The following MYO3B variants were observed in gnomAD, a reference collection of about 807,000 sequenced individuals.
MYO3B encodes myosin IIIB.
MYO3B carries 156 observed loss-of-function variants against 174.6 expected under a neutral mutation model. That is an observed-to-expected ratio of 0.89 (90% confidence interval 0.78 to 1.02). The LOEUF (loss-of-function observed/expected upper bound fraction) is 1.02, where lower values mean the gene tolerates loss of function less well. MYO3B is among the 50% of genes least tolerant of loss of function. The pLI is 0.00. For synonymous variants in MYO3B, 563 were observed against 569.1 expected (o/e 0.99, Z 0.15); for missense variants, 1,632 against 1,639.4 (o/e 1.00, Z 0.08).
intron 23 of MYO3B, among the ~76,000 whole-genome samples, chr2:170,445,604 G>T (rs879572046): frequency 3.3e-5 from 5 of 151,550 alleles, no homozygotes; most frequent in African/African-American, 7.3e-5. Flanking sequence ...GCCTCCCCAA[G>T]TGCTGGATTA....
chr2:170,431,340 A>G (rs997041163), intron 22 of MYO3B, among the ~76,000 whole-genome samples: 3 of 152,230 alleles, frequency 2.0e-5, no homozygotes, highest in African/African-American at 7.2e-5. Flanking sequence ...CAACTCCACT[A>G]TTGACTGTGT....
At chr2:170,646,330 T>C (rs1490247239) in intron 32 of MYO3B, among the ~76,000 whole-genome samples, 1 of 152,090 alleles carries the variant, frequency 6.6e-6, no homozygotes, top group East Asian at 1.9e-4. Flanking sequence ...TTTTTTTTCT[T>C]TTGGTTTACT....
chr2:170,629,828 C>T (rs977237897), intron 32 of MYO3B, among the ~76,000 whole-genome samples: 1 of 152,180 alleles, frequency 6.6e-6, no homozygotes, highest in African/African-American at 2.4e-5. Context: ...CCAGCCTGCG[C>T]AACAGAGCGA....
At chr2:170,490,722 G>C (rs544781399) in intron 25 of MYO3B, among the ~76,000 whole-genome samples, 2 of 152,128 alleles carry the variant, frequency 1.3e-5, no homozygotes, top group South Asian at 4.1e-4. Flanking sequence ...TTGTCTCCTA[G>C]TTTGAGGTTG....
rs772268467 is a variant in MYO3B at position 170,391,598 on chromosome 2, TC to T, written c.1658del (p.Pro553LeufsTer9). 28 of 1,585,924 alleles carry T rather than the reference TC, an allele frequency of 1.8e-5. No homozygotes were observed. Among genetic ancestry groups the T allele is most frequent in the Middle Eastern group, 1.7e-4 (1 of 6,012 alleles). ...AAAAGAAGCTTTCTGATTTCAGACT[TC>T]CTGAGGAAAAACCTCCTAGGTAAGT... ...HQKKLSDFRL[P>X]EEKPPRYIAD... On this transcript the variant is annotated frameshift_variant, in exon 15 of 35. Coordinates refer to ENST00000408978, the MANE Select transcript of MYO3B (RefSeq NM_138995.5). LOFTEE classifies it high-confidence loss of function.
At chr2:170,283,489 ATCTTGAACCTC>A (rs1177776971) in intron 7 of MYO3B, among the ~76,000 whole-genome samples, 1 of 152,270 alleles carries the variant, frequency 6.6e-6, no homozygotes, top group Admixed American at 6.5e-5. Flanking sequence ...CTGGTCAGCC[ATCTTGAACCTC>A]TCCCCTATAG....
chr2:170,323,611 G>A (rs188355033), intron 7 of MYO3B, among the ~76,000 whole-genome samples: 146 of 152,194 alleles, frequency 9.6e-4, no homozygotes, highest in African/African-American at 3.3e-3. Flanking sequence ...AAGCTCGGCC[G>A]CACCATTACC....
chr2:170,208,955 T>C (rs2105354454), intron 3 of MYO3B, among the ~76,000 whole-genome samples: 1 of 152,308 alleles, frequency 6.6e-6, no homozygotes, highest in Middle Eastern at 3.4e-3. Context: ...GGTGATCCTC[T>C]CCTTTTAAGG....
intron 32 of MYO3B, among the ~76,000 whole-genome samples, chr2:170,624,266 T>G (rs904485482): frequency 6.6e-6 from 1 of 152,238 alleles, no homozygotes; most frequent in Non-Finnish European, 1.5e-5. Context: ...TGGTTTGTAG[T>G]TCTCCTTGAA....
intron 6 of MYO3B, 67 bp downstream of exon 6, chr2:170,217,462 G>T: frequency 7.4e-7 from 1 of 1,345,000 alleles, no homozygotes; most frequent in Non-Finnish European, 1.1e-6. Flanking sequence ...CCTTTTTATG[G>T]GTAAGTCATA....
At chr2:170,223,916 A>T (rs776212545) in intron 6 of MYO3B, among the ~76,000 whole-genome samples, 1 of 152,166 alleles carries the variant, frequency 6.6e-6, no homozygotes, top group Non-Finnish European at 1.5e-5. Context: ...ATATTAAACT[A>T]TTCATTCTGG....
At chr2:170,468,329 T>A (rs539525035) in intron 25 of MYO3B, among the ~76,000 whole-genome samples, 1 of 152,322 alleles carries the variant, frequency 6.6e-6, no homozygotes, top group African/African-American at 2.4e-5. Context: ...CATTCAAGGT[T>A]TATTAAATGG....
chr2:170,228,547 C>A (rs2092977864), intron 6 of MYO3B, among the ~76,000 whole-genome samples: 1 of 152,116 alleles, frequency 6.6e-6, no homozygotes, highest in Non-Finnish European at 1.5e-5. Context: ...GGACTTAACA[C>A]ACAAGTAAGA....
At chr2:170,330,506 T>C (rs946074657) in intron 7 of MYO3B, among the ~76,000 whole-genome samples, 1 of 152,190 alleles carries the variant, frequency 6.6e-6, no homozygotes, top group Non-Finnish European at 1.5e-5. Flanking sequence ...CTGGAATAAT[T>C]CCTATTTAAT....
At chr2:170,315,082 A>C (rs1479183207) in intron 7 of MYO3B, among the ~76,000 whole-genome samples, 3 of 152,176 alleles carry the variant, frequency 2.0e-5, no homozygotes, top group African/African-American at 7.2e-5. Flanking sequence ...TGTTGTTCTT[A>C]ATGTTTTATT....
intron 24 of MYO3B, among the ~76,000 whole-genome samples, chr2:170,466,043 G>A (rs1257876982): frequency 2.6e-5 from 4 of 152,080 alleles, no homozygotes; most frequent in African/African-American, 9.7e-5. Context: ...CCTTGTTTTT[G>A]TATTTTTCTT....
At chr2:170,648,193 GTTCT>G (rs1160495362) in intron 32 of MYO3B, 2 of 152,228 alleles carry the variant, frequency 1.3e-5, no homozygotes, top group African/African-American at 4.8e-5. Flanking sequence ...GAACCGCTGT[GTTCT>G]TTGTGTTCTG....
At chr2:170,557,676 T>G (rs114052477) in intron 32 of MYO3B, among the ~76,000 whole-genome samples, 4,353 of 152,192 alleles carry the variant, frequency 0.029, 174 homozygotes, top group African/African-American at 0.096. Flanking sequence ...CTGAGAGAGA[T>G]GGACAAATAA....
intron 32 of MYO3B, among the ~76,000 whole-genome samples, chr2:170,606,650 A>T (rs1694824599): frequency 6.6e-6 from 1 of 152,240 alleles, no homozygotes; most frequent in South Asian, 2.1e-4. Flanking sequence ...TCGATCAATG[A>T]TGAGCATTGC....
Sources: gnomAD v4.1 joint callset for allele counts (sites outside exome capture counted in the v4.1 genomes callset) on GRCh38, gnomAD v4.1.1 for gene constraint, MANE v1.5 for transcripts, NCBI Gene and HGNC (gene_info 2026-07-23, HGNC 2026-07-21) for gene names.